The following KIF3A variants were observed in gnomAD, a reference collection of about 807,000 sequenced individuals.
The protein encoded by KIF3A is kinesin-like protein KIF3A.
KIF3A carries 27 observed loss-of-function variants against 92.6 expected under a neutral mutation model. The observed-to-expected ratio is 0.29, with a 90% CI of 0.21 to 0.40. The LOEUF is 0.40. Ranked by LOEUF, KIF3A falls within the 10% of genes least tolerant of loss-of-function variation. The pLI, the probability that KIF3A is intolerant of heterozygous loss-of-function variation, is 1.00. For synonymous variants in KIF3A, 250 were observed against 275.4 expected, an observed-to-expected ratio of 0.91 and a Z score of 0.92; for missense variants, 581 against 872.6, an observed-to-expected ratio of 0.67 and a Z score of 4.21.
At chr5:132,704,552 A>G (rs1753146245) in intron 11 of KIF3A, among the ~76,000 whole-genome samples, 1 of 151,982 alleles carries the variant, frequency 6.6e-6, no homozygotes, top group Non-Finnish European at 1.5e-5. Flanking sequence ...ATCCAAATGA[A>G]AAAGAGAAAA....
At chr5:132,705,219 T>C (rs1561694020) in intron 11 of KIF3A, among the ~76,000 whole-genome samples, 1 of 152,098 alleles carries the variant, frequency 6.6e-6, no homozygotes, top group East Asian at 1.9e-4. Flanking sequence ...TCATACTATG[T>C]CTTAGAAATT....
intron 18 of KIF3A, among the ~76,000 whole-genome samples, chr5:132,698,899 G>A (rs573484292): frequency 6.6e-6 from 1 of 152,060 alleles, no homozygotes; most frequent in South Asian, 2.1e-4. Context: ...CACCATGCCT[G>A]GTTAACTTTT....
At chr5:132,700,560 T>C (rs1468216) in intron 16 of KIF3A, 87 bp downstream of exon 16, 762,404 of 873,044 alleles carry the variant, frequency 0.87, 333,713 homozygotes, top group East Asian at 0.91. Context: ...TACTGGACCA[T>C]GTTCCTCCCC....
intron 2 of KIF3A, among the ~76,000 whole-genome samples, chr5:132,727,868 A>T (rs3798129): frequency 0.35 from 52,638 of 152,042 alleles, 12,915 homozygotes; most frequent in East Asian, 0.75. Flanking sequence ...TCCTCAACTA[A>T]TACTACTCTA....
At chr5:132,699,073 T>C in intron 18 of KIF3A, 98 bp downstream of exon 18, 12 of 1,183,356 alleles carry the variant, frequency 1.0e-5, no homozygotes, top group Non-Finnish European at 1.3e-5. Flanking sequence ...CCAAAATATG[T>C]ATCATGTTTT....
intron 4 of KIF3A, chr5:132,723,689 T>C (rs1459238189): frequency 6.6e-6 from 1 of 152,158 alleles, no homozygotes; most frequent in Non-Finnish European, 1.5e-5. Flanking sequence ...CCTAAAACCA[T>C]GAAAACCCTA....
chr5:132,716,926 T>C lies in KIF3A; in HGVS notation c.675A>G (p.Thr225=), dbSNP rs112737670. The stretch of plus-strand genomic sequence containing the variant: ...CTTTTTCACTGCATTCTATAGTAAT[T>C]GTAAAGATGGCATGGGAACGGGAAC... ...EHSSRSHAIF[T]ITIECSEKGI... The change falls in exon 6 of 19, where the codon ACA becomes ACG. Residue 225 remains threonine (T), a synonymous_variant. Transcript: ENST00000403231. 3.1e-6 allele frequency: 5 copies of C among 1,613,956 alleles called. No homozygotes were observed. The highest frequency in any genetic ancestry group is 4.2e-6 in the Non-Finnish European group (5 of 1,179,848).
downstream of KIF3A, among the ~76,000 whole-genome samples, chr5:132,692,246 C>G (rs542895146): frequency 6.6e-6 from 1 of 152,040 alleles, no homozygotes; most frequent in Non-Finnish European, 1.5e-5. Context: ...AAGAAGGAAA[C>G]AACAGACACT....
chr5:132,734,681 C>A (rs1054580373), intron 1 of KIF3A, among the ~76,000 whole-genome samples: 1 of 152,114 alleles, frequency 6.6e-6, no homozygotes, highest in African/African-American at 2.4e-5. Flanking sequence ...AAAATCGTTT[C>A]TTTTAAAATG....
chr5:132,716,926 T>G lies in KIF3A; in HGVS notation c.675A>C (p.Thr225=). The change falls in exon 6 of 19, where the codon ACA becomes ACC. Residue 225 remains threonine, a synonymous_variant. Transcript: ENST00000403231. The part of the protein sequence containing the change: ...EHSSRSHAIF[T]ITIECSEKGI... ...CTTTTTCACTGCATTCTATAGTAAT[T>G]GTAAAGATGGCATGGGAACGGGAAC... 3 of 1,613,956 alleles carry G rather than the reference T, an allele frequency of 1.9e-6. No individual in the cohort carries two copies. Among genetic ancestry groups the G allele is most frequent in the Non-Finnish European group, 2.5e-6 (3 of 1,179,848 alleles).
intron 8 of KIF3A, among the ~76,000 whole-genome samples, chr5:132,713,334 T>A (rs1753495064): frequency 6.6e-6 from 1 of 152,100 alleles, no homozygotes; most frequent in Non-Finnish European, 1.5e-5. Context: ...TCAATGTAAA[T>A]CTCCTGGTTT....
intron 4 of KIF3A, among the ~76,000 whole-genome samples, chr5:132,725,557 A>C (rs1754007280): frequency 6.6e-6 from 1 of 152,186 alleles, no homozygotes; most frequent in Non-Finnish European, 1.5e-5. Context: ...CCTAGATGAT[A>C]CTGCCATTCA....
downstream of KIF3A, among the ~76,000 whole-genome samples, chr5:132,690,794 G>A (rs559932792): frequency 8.5e-5 from 13 of 152,212 alleles, no homozygotes; most frequent in South Asian, 2.5e-3. Flanking sequence ...GGGCGTGGTG[G>A]CACATGCCTA....
In KIF3A at chr5:132,716,228, C is replaced by A; in HGVS notation, c.954+17G>T. The A allele has an allele frequency of 6.3e-7, 1 of 1,581,504 alleles. No homozygotes were observed. Among genetic ancestry groups the A allele is most frequent in the South Asian group, 1.1e-5 (1 of 89,942 alleles). On this transcript the variant is annotated intron_variant, in intron 7 of 18. Coordinates refer to ENST00000403231, the MANE Select transcript of KIF3A (RefSeq NM_001300791.2). Reference sequence around the variant, plus strand: ...TAAATTTGCCTGATGTTAACTATATCACCAATTAAGTCTTACCATCATGGT... The same window carrying A: ...TAAATTTGCCTGATGTTAACTATATAACCAATTAAGTCTTACCATCATGGT...
intron 11 of KIF3A, among the ~76,000 whole-genome samples, chr5:132,705,969 A>G (rs759819713): frequency 3.3e-5 from 5 of 152,116 alleles, no homozygotes; most frequent in Non-Finnish European, 5.9e-5. Context: ...GTAAATAAAT[A>G]TTTTTAAAAG....
chr5:132,715,200 C>T (rs750284016), intron 8 of KIF3A, among the ~76,000 whole-genome samples: 3 of 152,114 alleles, frequency 2.0e-5, no homozygotes, highest in African/African-American at 4.8e-5. Context: ...AAGCGTCTCA[C>T]TCTCATAAAT....
rs1754438281 is a variant in KIF3A, at chr5:132,737,400, G to A, written c.6+14C>T. 1 of 1,608,272 alleles carries A rather than the reference G, an allele frequency of 6.2e-7. No homozygotes were observed. ...GATGAGAAGAAACCCCAGAAGCGAAGCGACTCTCCTCACCGGCATCTTGGC... is the reference window on the plus strand; with the variant it reads ...GATGAGAAGAAACCCCAGAAGCGAAACGACTCTCCTCACCGGCATCTTGGC... On this transcript the variant is annotated intron_variant, in intron 1 of 18. Transcript: ENST00000403231.
At position 132,696,246 on chromosome 5, in the gene KIF3A, A is replaced by G. The variant is rs527918414; in HGVS notation, c.*388T>C. Reference sequence around the variant, plus strand: ...AGGACAATCTGATCTGCTTCTTTCTATGTGCAAAACAGGACACAGTTTTTT... The same window carrying G: ...AGGACAATCTGATCTGCTTCTTTCTGTGTGCAAAACAGGACACAGTTTTTT... On this transcript the variant is annotated 3_prime_UTR_variant, in exon 19 of 19. Transcript: ENST00000403231. The G allele has an allele frequency of 6.4e-6, 1 of 155,684 alleles. No individual in the cohort carries two copies. Among genetic ancestry groups the G allele is most frequent in the Non-Finnish European group, 1.4e-5 (1 of 71,020 alleles). 9.6% of individuals were successfully genotyped at this position (155,684 alleles called of 1,614,324 possible).
rs1404714777 is a variant in KIF3A at position 132,703,166 on chromosome 5, G to A, written c.1467-101C>T. The A allele has an allele frequency of 4.5e-5, 46 of 1,012,140 alleles. No individual in the cohort carries two copies. The South Asian group carries it at 5.9e-4, about 13-fold the overall frequency. 62.7% of individuals were successfully genotyped at this position (1,012,140 alleles called of 1,614,324 possible). Reference sequence around the variant, plus strand: ...AATTTGGATATACAATTTCAAAATAGAAATATAATTATGTAACATCTCTGC... The same window carrying A: ...AATTTGGATATACAATTTCAAAATAAAAATATAATTATGTAACATCTCTGC... On this transcript the variant is annotated intron_variant, in intron 12 of 18. Coordinates refer to ENST00000403231, the MANE Select transcript of KIF3A (RefSeq NM_001300791.2).
Sources: allele counts gnomAD v4.1 joint callset (sites outside exome capture counted in the v4.1 genomes callset), GRCh38; gene constraint gnomAD v4.1.1; transcripts MANE v1.5; gene names NCBI Gene and HGNC (gene_info 2026-07-23, HGNC 2026-07-21).